CAPN5: variants seen among roughly 807,000 people sequenced by gnomAD.
CAPN5 encodes calpain-5.
CAPN5 carries 54 observed loss-of-function variants against 73.0 expected under a neutral mutation model. The observed-to-expected ratio is 0.74, with a 90% CI of 0.59 to 0.93. The LOEUF (loss-of-function observed/expected upper bound fraction) is 0.93. Ranked by LOEUF, CAPN5 falls within the 40% of genes least tolerant of loss-of-function variation. CAPN5 has a pLI of 0.00. For missense variants in CAPN5, 785 were observed against 882.9 expected, an observed-to-expected ratio of 0.89 and a Z score of 1.41; for synonymous variants, 335 against 356.9, an observed-to-expected ratio of 0.94 and a Z score of 0.69.
In CAPN5 at chr11:77,112,672, C is replaced by T. The variant is rs782382020; in HGVS notation, c.381C>T (p.Arg127=). Residue 127 remains arginine, a synonymous_variant, in exon 4 of 13, where the codon CGC becomes CGT. Coordinates refer to ENST00000648180, the MANE Select transcript of CAPN5 (RefSeq NM_004055.5). ...YAGIFHFHFW[R]FGEWVDVVID... is the part of the protein sequence containing the mutation. ...GCATCTTCCACTTCCACTTCTGGCG[C>T]TTCGGGGAATGGGTGGACGTGGTCA... 1.8e-5 allele frequency: 29 copies of T among 1,614,140 alleles called. No individual in the cohort carries two copies. The highest frequency in any genetic ancestry group is 1.3e-5 in the African/African-American group (1 of 74,960).
chr11:77,078,063 A>G (rs115586785), intron 1 of CAPN5, among the ~76,000 whole-genome samples: 3,778 of 152,052 alleles, frequency 0.025, 166 homozygotes, highest in African/African-American at 0.085. Flanking sequence ...AAACTTTTTT[A>G]GCTTTATGTA....
chr11:77,096,949 G>A (rs1446695706), intron 3 of CAPN5, among the ~76,000 whole-genome samples: 2 of 152,154 alleles, frequency 1.3e-5, no homozygotes, highest in African/African-American at 2.4e-5. Context: ...ACAGCCAGGC[G>A]CGGTGGCTCA....
intron 2 of CAPN5, among the ~76,000 whole-genome samples, chr11:77,086,030 G>T (rs1659112463): frequency 6.6e-6 from 1 of 152,198 alleles, no homozygotes; most frequent in Admixed American, 6.5e-5. Flanking sequence ...GGCCAGGTGG[G>T]AAAAGGCAGA....
intron 3 of CAPN5, among the ~76,000 whole-genome samples, chr11:77,104,124 T>G (rs1950318883): frequency 6.6e-6 from 1 of 152,258 alleles, no homozygotes; most frequent in Admixed American, 6.5e-5. Flanking sequence ...TCATTGCTGC[T>G]GGTTCAAGGA....
At chr11:77,103,282 G>A (rs782549096) in intron 3 of CAPN5, 1 of 1,612,912 alleles carries the variant, frequency 6.2e-7, no homozygotes, top group Non-Finnish European at 8.5e-7. Flanking sequence ...TTTGGCGAGG[G>A]TGTGGAGCCC....
Position 77,124,039 on chromosome 11 carries a change from A to C in CAPN5, c.*169A>C. ...CCCCTCTCTCAGCCTCAGTGTCCCG[A>C]GGGCCCCGAAGCATTCCATTCTCGT... On this transcript the variant is annotated 3_prime_UTR_variant, in exon 13 of 13. Transcript: ENST00000648180. The C allele has an allele frequency of 1.6e-6, 1 of 635,374 alleles. No homozygotes were observed. Among genetic ancestry groups the C allele is most frequent in the East Asian group, 2.8e-5 (1 of 36,026 alleles). 39.4% of individuals were successfully genotyped at this position (635,374 alleles called of 1,614,324 possible).
intron 1 of CAPN5, among the ~76,000 whole-genome samples, chr11:77,077,782 T>C (rs1949987773): frequency 6.6e-6 from 1 of 152,230 alleles, no homozygotes; most frequent in Admixed American, 6.5e-5. Context: ...CCCAAAGTGC[T>C]GGGATTACAT....
intron 1 of CAPN5, among the ~76,000 whole-genome samples, chr11:77,074,202 T>C (rs1174894026): frequency 6.6e-6 from 1 of 152,206 alleles, no homozygotes; most frequent in Non-Finnish European, 1.5e-5. Flanking sequence ...GCTTCTGGCC[T>C]TCCCTGCAAT....
chr11:77,071,491 T>C (rs1176346837), intron 1 of CAPN5: 5 of 378,606 alleles, frequency 1.3e-5, no homozygotes, highest in Admixed American at 5.0e-5. Flanking sequence ...GGGGTGGGGC[T>C]GGGGAGTCCC....
rs1950512963 is a variant in CAPN5, at chr11:77,120,708, T to C, written c.1291-5T>C. 1 of 1,597,816 alleles carries C rather than the reference T, an allele frequency of 6.3e-7. No individual in the cohort carries two copies. The highest frequency in any genetic ancestry group is 1.7e-5 in the Admixed American group (1 of 59,612). ...GCGTGGCCCAGCCCCTCCCGCCTCC[T>C]GCAGGTGGAGGAGAACCGCCAGTAC... On this transcript the variant is annotated splice_polypyrimidine_tract_variant and splice_region_variant and intron_variant, in intron 9 of 12. Transcript: ENST00000648180.
chr11:77,069,545 G>A (rs1418033138), intron 1 of CAPN5, among the ~76,000 whole-genome samples: 1 of 152,160 alleles, frequency 6.6e-6, no homozygotes, highest in Non-Finnish European at 1.5e-5. Flanking sequence ...GGGCTGAGCA[G>A]CCGGGAGCAC....
intron 3 of CAPN5, among the ~76,000 whole-genome samples, chr11:77,103,687 C>G (rs1950314128): frequency 6.6e-6 from 1 of 152,206 alleles, no homozygotes; most frequent in Non-Finnish European, 1.5e-5. Context: ...AAGAGAGACA[C>G]AGAGACAGAG....
chr11:77,083,773 A>C (rs1270502666), intron 1 of CAPN5, among the ~76,000 whole-genome samples: 1 of 152,126 alleles, frequency 6.6e-6, no homozygotes, highest in Non-Finnish European at 1.5e-5. Context: ...AGATGAGAAA[A>C]CGGGCTCAGA....
chr11:77,098,080 G>A (rs1406264646), intron 3 of CAPN5, among the ~76,000 whole-genome samples: 38 of 85,356 alleles, frequency 4.5e-4, no homozygotes, highest in African/African-American at 9.5e-4. Context: ...CCCGGACGGG[G>A]CGGCTGGCCG....
chr11:77,112,857 C>A, intron 4 of CAPN5, 60 bp downstream of exon 4: 1 of 1,492,538 alleles, frequency 6.7e-7, no homozygotes, highest in Non-Finnish European at 9.3e-7. Context: ...ACCGGATGGG[C>A]TCCTCGTGGT....
At chr11:77,083,150 T>C (rs1187340645) in intron 1 of CAPN5, among the ~76,000 whole-genome samples, 2 of 152,024 alleles carry the variant, frequency 1.3e-5, no homozygotes, top group Non-Finnish European at 2.9e-5. Flanking sequence ...TGGCCTGAGG[T>C]CACACAGCAG....
rs1950427469 is a variant in CAPN5 at position 77,112,963 on chromosome 11, G to T, written c.506+166G>T. On this transcript the variant is annotated intron_variant, in intron 4 of 12. Transcript: ENST00000648180. ...CAGGCCTGAGGGCATAGTCAGCTGA[G>T]CCTGTGCTGGGTGGGGTGGAGGCCT... The T allele has an allele frequency of 8.9e-6, 6 of 670,398 alleles. No individual in the cohort carries two copies. In the Admixed American group the frequency reaches 1.2e-4, roughly 14 times the overall value. The allele number at this position is 670,398 out of a possible 1,614,324, so 41.5% of individuals were successfully genotyped here.
At position 77,076,425 on chromosome 11, in the gene CAPN5, A is replaced by G. The variant is rs116488415; in HGVS notation, c.-35-8427A>G. On this transcript the variant is annotated intron_variant, in intron 1 of 12. Transcript: ENST00000648180. ...TATTAACTATTGTCACCATGTTACA[A>G]TCAATCTCTTGAACTTATAGATCTC... Among the ~76,000 whole-genome samples, 624 of 152,340 alleles carry G rather than the reference A, an allele frequency of 4.1e-3. 4 individuals are homozygous for G. The highest frequency in any genetic ancestry group is 0.014 in the African/African-American group (594 of 41,576).
intron 10 of CAPN5, among the ~76,000 whole-genome samples, chr11:77,121,257 G>A (rs895052503): frequency 1.3e-5 from 2 of 152,260 alleles, no homozygotes; most frequent in Admixed American, 1.3e-4. Flanking sequence ...TGCAGCCAGC[G>A]GTGGAGATGG....
Sources: allele counts gnomAD v4.1 joint callset (sites outside exome capture counted in the v4.1 genomes callset), GRCh38; gene constraint gnomAD v4.1.1; transcripts MANE v1.5; gene names NCBI Gene and HGNC (gene_info 2026-07-23, HGNC 2026-07-21).